Variants in BCL9 observed in about 807,000 individuals in gnomAD.
The protein encoded by BCL9 is B-cell CLL/lymphoma 9 protein.
A neutral mutation model predicts 88.5 loss-of-function variants in BCL9; 25 were observed. The observed-to-expected ratio is 0.28, with a 90% CI of 0.21 to 0.39. The LOEUF is 0.39. Ranked by LOEUF, BCL9 falls within the 10% of genes least tolerant of loss-of-function variation. The pLI, the probability that BCL9 is intolerant of heterozygous loss-of-function variation, is 1.00. For missense variants in BCL9, 1,817 were observed against 1,877.8 expected (o/e 0.97, Z 0.60); for synonymous variants, 711 against 673.3 (o/e 1.06, Z -0.87).
intron 1 of BCL9, among the ~76,000 whole-genome samples, chr1:147,544,072 A>G (rs782564328): frequency 4.1e-4 from 62 of 152,276 alleles, no homozygotes; most frequent in Middle Eastern, 3.4e-3. Flanking sequence ...CAGCAGGCAA[A>G]TACTGGGCAC....
At chr1:147,599,988 T>G in intron 1 of BCL9, among the ~76,000 whole-genome samples, 1 of 150,330 alleles carries the variant, frequency 6.7e-6, no homozygotes, top group African/African-American at 2.4e-5. Context: ...GCGGTCCCGG[T>G]TCCCCGCGGG....
intron 1 of BCL9, among the ~76,000 whole-genome samples, chr1:147,546,248 G>A (rs138996047): frequency 0.062 from 9,443 of 151,928 alleles, 336 homozygotes; most frequent in East Asian, 0.18. Flanking sequence ...TGAGGCAGGA[G>A]AATGGTGTGA....
chr1:147,603,593 C>T (rs1161845307), intron 1 of BCL9, among the ~76,000 whole-genome samples: 1 of 152,164 alleles, frequency 6.6e-6, no homozygotes, highest in Non-Finnish European at 1.5e-5. Flanking sequence ...CCTCCACCTC[C>T]TGGGTTCAAG....
rs1024310992 is a variant in BCL9, at chr1:147,582,595, A to G, written c.-477-22182A>G. Among the ~76,000 whole-genome samples, 4 of 152,354 alleles carry G rather than the reference A, an allele frequency of 2.6e-5. No homozygotes were observed. The East Asian group carries it at 7.7e-4, about 29-fold the overall frequency. Reference sequence around the variant, plus strand: ...CTTGTTTTTGTACAGCCTATGAGCTAAGAATGGTTTTTACATGTTTAAATG... The same window carrying G: ...CTTGTTTTTGTACAGCCTATGAGCTGAGAATGGTTTTTACATGTTTAAATG... On this transcript the variant is annotated intron_variant, in intron 1 of 9. Transcript: ENST00000234739.
intron 7 of BCL9, among the ~76,000 whole-genome samples, chr1:147,616,901 G>C (rs1553203953): frequency 6.6e-6 from 1 of 152,206 alleles, no homozygotes; most frequent in African/African-American, 2.4e-5. Flanking sequence ...AGAAGTTCAA[G>C]ACACAGTCCC....
At chr1:147,554,350 C>A (rs6659237) in intron 1 of BCL9, among the ~76,000 whole-genome samples, 8 of 151,978 alleles carry the variant, frequency 5.3e-5, no homozygotes, top group Non-Finnish European at 1.0e-4. Context: ...ACTGAAAAGA[C>A]AAGGACATTT....
At position 147,551,163 on chromosome 1, in the gene BCL9, C is replaced by T. The variant is rs374076327; in HGVS notation, c.-478+9489C>T. Among the ~76,000 whole-genome samples the T allele has an allele frequency of 2.0e-4, 31 of 152,306 alleles. No individual in the cohort carries two copies. The South Asian group carries it at 3.9e-3, about 19-fold the overall frequency. On this transcript the variant is annotated intron_variant, in intron 1 of 9. Transcript: ENST00000234739. ...TCCAGGCATTGTCTCATTCAAACTG[C>T]GATAGGTGCTATTAATACCTTCATC...
intron 1 of BCL9, among the ~76,000 whole-genome samples, chr1:147,567,898 C>A (rs973991868): frequency 2.0e-5 from 3 of 152,148 alleles, no homozygotes. Context: ...CTATTGCTGG[C>A]GATCTATTTC....
chr1:147,598,390 T>C (rs1195638637), intron 1 of BCL9, among the ~76,000 whole-genome samples: 1 of 152,174 alleles, frequency 6.6e-6, no homozygotes, highest in African/African-American at 2.4e-5. Context: ...TGCCACAGTT[T>C]TTCATAGGAT....
At chr1:147,590,068 T>A (rs145228524) in intron 1 of BCL9, among the ~76,000 whole-genome samples, 2 of 152,180 alleles carry the variant, frequency 1.3e-5, no homozygotes, top group South Asian at 4.1e-4. Context: ...TAGACCAGTG[T>A]CATTTTTTAT....
chr1:147,614,355 T>A, intron 5 of BCL9, 72 bp from the exon 6 acceptor site: 1 of 1,474,292 alleles, frequency 6.8e-7, no homozygotes, highest in Non-Finnish European at 9.4e-7. Flanking sequence ...GGGTTTGTGT[T>A]GTGATGCTAT....
intron 1 of BCL9, among the ~76,000 whole-genome samples, chr1:147,575,701 C>G (rs895090696): frequency 6.6e-6 from 1 of 152,098 alleles, no homozygotes; most frequent in Non-Finnish European, 1.5e-5. Flanking sequence ...CAATACATGC[C>G]TTAACCATTC....
chr1:147,563,858 T>C (rs587731072), intron 1 of BCL9, among the ~76,000 whole-genome samples: 1 of 152,350 alleles, frequency 6.6e-6, no homozygotes, highest in South Asian at 2.1e-4. Context: ...ATTATCTCAT[T>C]TAATCCACTT....
chr1:147,564,870 G>T (rs185383662), intron 1 of BCL9, among the ~76,000 whole-genome samples: 1 of 151,610 alleles, frequency 6.6e-6, no homozygotes, highest in Non-Finnish European at 1.5e-5. Flanking sequence ...ATATCTACCC[G>T]GTCCAATATG....
chr1:147,620,867 C>T lies in BCL9; in HGVS notation c.2712C>T (p.Ser904=). 2 of 1,614,150 alleles carry T rather than the reference C, an allele frequency of 1.2e-6. No homozygotes were observed. Among genetic ancestry groups the T allele is most frequent in the South Asian group, 2.2e-5 (2 of 91,078 alleles). Residue 904 remains serine (S), a synonymous_variant, in exon 8 of 10, where the codon TCC becomes TCT. Transcript: ENST00000234739. The part of the protein sequence containing the change: ...GMLAGPAAAA[S]IKSPPVLGSA... ...TGGCGGGCCCAGCTGCTGCTGCTTCCATTAAGTCCCCCCCTGTTTTGGGGT... is the reference window on the plus strand; with the variant it reads ...TGGCGGGCCCAGCTGCTGCTGCTTCTATTAAGTCCCCCCCTGTTTTGGGGT...
rs1381464971 is a variant in BCL9, at chr1:147,613,274, G to A, written c.370+75G>A. On this transcript the variant is annotated intron_variant, in intron 5 of 9. Transcript: ENST00000234739. ...GGAAGGCCTCTGACATTCGACAGAG[G>A]CCAGAGAGCCTAATATCAGACAAGT... 2.0e-6 allele frequency: 3 copies of A among 1,481,406 alleles called. No individual in the cohort carries two copies. In the East Asian group the frequency reaches 6.8e-5, roughly 34 times the overall value. 91.8% of individuals were successfully genotyped at this position (1,481,406 alleles called of 1,614,324 possible).
chr1:147,594,654 C>T (rs1393851337), intron 1 of BCL9, among the ~76,000 whole-genome samples: 1 of 152,008 alleles, frequency 6.6e-6, no homozygotes, highest in East Asian at 1.9e-4. Context: ...TAAAGAACAA[C>T]AATTAAGAGA....
At chr1:147,572,360 A>G (rs1224430264) in intron 1 of BCL9, among the ~76,000 whole-genome samples, 4 of 152,270 alleles carry the variant, frequency 2.6e-5, no homozygotes, top group Non-Finnish European at 4.4e-5. Context: ...ACTAAAGTCC[A>G]GGCATGGAGC....
chr1:147,600,335 G>A (rs2101588652), intron 1 of BCL9: 1 of 152,940 alleles, frequency 6.5e-6, no homozygotes, highest in East Asian at 2.0e-4. Context: ...TCCTGCCTCC[G>A]GGGTAAGTGG....
Sources: gnomAD v4.1 joint callset for allele counts (sites outside exome capture counted in the v4.1 genomes callset) on GRCh38, gnomAD v4.1.1 for gene constraint, MANE v1.5 for transcripts, NCBI Gene and HGNC (gene_info 2026-07-23, HGNC 2026-07-21) for gene names.